Variants in HMCN1 observed in about 807,000 individuals in gnomAD.
HMCN1 encodes the protein hemicentin 1.
In HMCN1, 321 loss-of-function variants were observed where a neutral mutation model predicts 625.9. The observed-to-expected ratio is 0.51, with a 90% confidence interval of 0.47 to 0.56. The LOEUF is 0.56. Among genes scored for constraint, HMCN1 ranks in the 20% least tolerant of loss-of-function variants. HMCN1 has a pLI of 0.00. For missense variants in HMCN1, 6,588 were observed against 6,887.3 expected, an observed-to-expected ratio of 0.96 and a Z score of 1.54; for synonymous variants, 2,425 against 2,417.6, an observed-to-expected ratio of 1.00 and a Z score of -0.09.
chr1:186,136,668 G>T lies in HMCN1; in HGVS notation c.13313G>T (p.Ser4438Ile), dbSNP rs61732179. ...VERSMSLTLQ[S>I]PPIITLEPVE... ...AGACACTATGTGCTTTTTTCCGTAG[G>T]TCCTCCTATTATCACTCTTGAGCCA... The change falls in exon 87 of 107, where the codon AGT becomes ATT. Residue 4438 changes from serine (S) to isoleucine (I), a missense_variant and splice_region_variant. Ser to Ile is a moderately radical substitution (Grantham distance 142). Coordinates refer to ENST00000271588, the MANE Select transcript of HMCN1 (RefSeq NM_031935.3). 6.2e-7 allele frequency: 1 copy of T among 1,613,332 alleles called. No homozygotes were observed. Among genetic ancestry groups the T allele is most frequent in the East Asian group, 2.2e-5 (1 of 44,858 alleles).
At chr1:186,117,233 G>A in intron 76 of HMCN1, 118 bp downstream of exon 76, 1 of 1,397,186 alleles carries the variant, frequency 7.2e-7, no homozygotes, top group Admixed American at 1.8e-5. Context: ...TAAGTTCAGG[G>A]GTACACATGC....
At chr1:185,766,926 T>C (rs1401223150) in intron 1 of HMCN1, among the ~76,000 whole-genome samples, 2 of 151,492 alleles carry the variant, frequency 1.3e-5, no homozygotes, top group East Asian at 1.9e-4. Context: ...TTTAAAGAAG[T>C]AAGGCAAGCT....
In HMCN1 at chr1:185,911,692, G is replaced by A; in HGVS notation, c.812G>A (p.Gly271Glu). Residue 271 changes from glycine (G) to glutamate (E), a missense_variant, in exon 6 of 107, where the codon GGA becomes GAA. Gly to Glu is a moderately conservative substitution (Grantham distance 98, BLOSUM62 -2). Coordinates refer to ENST00000271588, the MANE Select transcript of HMCN1 (RefSeq NM_031935.3). ...CTTTCAGGGAAGCTGATAAAAAAGGGATTTGGCCTGCATGAGCTATTAAAT... is the reference window on the plus strand; with the variant it reads ...CTTTCAGGGAAGCTGATAAAAAAGGAATTTGGCCTGCATGAGCTATTAAAT... Reference protein sequence around the residue: ...RNPLGKLIKKGFGLHELLNIH... With the variant: ...RNPLGKLIKKEFGLHELLNIH... 5 of 1,612,554 alleles carry A rather than the reference G, an allele frequency of 3.1e-6. No homozygotes were observed. Among genetic ancestry groups the A allele is most frequent in the Non-Finnish European group, 4.2e-6 (5 of 1,178,670 alleles).
chr1:186,064,561 G>A (rs1196908076), intron 48 of HMCN1, among the ~76,000 whole-genome samples: 1 of 151,956 alleles, frequency 6.6e-6, no homozygotes, highest in Non-Finnish European at 1.5e-5. Flanking sequence ...TGTAATCCCA[G>A]CACTTTGGGA....
intron 13 of HMCN1, among the ~76,000 whole-genome samples, chr1:185,964,436 A>T (rs74134234): frequency 0.029 from 4,460 of 152,234 alleles, 216 homozygotes; most frequent in African/African-American, 0.1. Flanking sequence ...TAAATCGTGA[A>T]TAATCAATGG....
intron 1 of HMCN1, among the ~76,000 whole-genome samples, chr1:185,807,544 C>G (rs187716512): frequency 1.3e-5 from 2 of 152,260 alleles, no homozygotes; most frequent in African/African-American, 4.8e-5. Context: ...CACATATATG[C>G]TCCTGGATTC....
At chr1:186,056,352 C>A (rs1435041620) in intron 45 of HMCN1, among the ~76,000 whole-genome samples, 1 of 151,844 alleles carries the variant, frequency 6.6e-6, no homozygotes. Flanking sequence ...ATCTTAAGTT[C>A]TTTTTGTTGG....
At chr1:185,870,854 C>T (rs1365811892) in intron 4 of HMCN1, among the ~76,000 whole-genome samples, 1 of 152,064 alleles carries the variant, frequency 6.6e-6, no homozygotes, top group Non-Finnish European at 1.5e-5. Flanking sequence ...GAATATGTGC[C>T]CAACCCCTTC....
chr1:186,037,726 G>A (rs958677469), intron 36 of HMCN1, among the ~76,000 whole-genome samples: 17 of 151,950 alleles, frequency 1.1e-4, no homozygotes, highest in African/African-American at 4.1e-4. Context: ...TCTGGACACA[G>A]AGAAATGTGT....
At chr1:186,172,311 C>A (rs1652283394) in intron 102 of HMCN1, among the ~76,000 whole-genome samples, 180 bp downstream of exon 102, 1 of 152,108 alleles carries the variant, frequency 6.6e-6, no homozygotes, top group African/African-American at 2.4e-5. Context: ...ATGGCTGTAC[C>A]CGGAAATGGA....
chr1:185,801,351 T>C (rs1045257779), intron 1 of HMCN1, among the ~76,000 whole-genome samples: 7 of 152,184 alleles, frequency 4.6e-5, no homozygotes, highest in African/African-American at 9.6e-5. Flanking sequence ...CTTCCACTTA[T>C]TTCATGAGAT....
At position 186,076,641 on chromosome 1, in the gene HMCN1, A is replaced by G. The variant is rs936166371; in HGVS notation, c.8485+19A>G. 3 of 1,607,226 alleles carry G rather than the reference A, an allele frequency of 1.9e-6. No homozygotes were observed. Among genetic ancestry groups the G allele is most frequent in the Non-Finnish European group, 2.6e-6 (3 of 1,176,326 alleles). On this transcript the variant is annotated intron_variant, in intron 54 of 106. Coordinates refer to ENST00000271588, the MANE Select transcript of HMCN1 (RefSeq NM_031935.3). ...TTGCCAGGTAAAGATTGATACCAAC[A>G]GGGTGAAAAGCTGACTCTCTGCCAA...
At chr1:185,916,483 T>C (rs1666710852) in intron 6 of HMCN1, among the ~76,000 whole-genome samples, 1 of 152,174 alleles carries the variant, frequency 6.6e-6, no homozygotes, top group African/African-American at 2.4e-5. Context: ...GAATTAGTTG[T>C]TACTAAAAAT....
At chr1:186,051,411 G>A (rs1656940236) in intron 42 of HMCN1, among the ~76,000 whole-genome samples, 1 of 152,020 alleles carries the variant, frequency 6.6e-6, no homozygotes. Context: ...GTTTGACAAT[G>A]CTTCTAAGGC....
chr1:186,138,684 G>A (rs1649774715), intron 89 of HMCN1, among the ~76,000 whole-genome samples: 1 of 152,136 alleles, frequency 6.6e-6, no homozygotes, highest in South Asian at 2.1e-4. Context: ...TCTAAGTGAG[G>A]CCTCAGAGAA....
At position 186,093,257 on chromosome 1, in the gene HMCN1, T is replaced by C. The variant is rs1396971884; in HGVS notation, c.10011T>C (p.Tyr3337=). The C allele has an allele frequency of 6.8e-6, 11 of 1,613,334 alleles. No homozygotes were observed. Among genetic ancestry groups the C allele is most frequent in the South Asian group, 1.1e-5 (1 of 91,080 alleles). Reference sequence around the variant, plus strand: ...ACCGAATTTTTAACTTGAATGTCTATGGTAAATATGAAATATCCCCCTCTT... The same window carrying C: ...ACCGAATTTTTAACTTGAATGTCTACGGTAAATATGAAATATCCCCCTCTT... ...EEDRIFNLNV[Y]VTPTIRGNKD... The change falls in exon 65 of 107, where the codon TAT becomes TAC. Residue 3337 remains tyrosine, a splice_region_variant and synonymous_variant. Coordinates refer to ENST00000271588, the MANE Select transcript of HMCN1 (RefSeq NM_031935.3).
intron 34 of HMCN1, 21 bp downstream of exon 34, chr1:186,018,373 G>A: frequency 6.2e-7 from 1 of 1,604,016 alleles, no homozygotes; most frequent in Non-Finnish European, 8.5e-7. Context: ...GAAGGGACAG[G>A]AACTTTGCAT....
intron 1 of HMCN1, among the ~76,000 whole-genome samples, chr1:185,840,600 G>A (rs867901609): frequency 3.3e-5 from 5 of 152,120 alleles, no homozygotes; most frequent in African/African-American, 1.2e-4. Context: ...TTTGGACACA[G>A]AAAATTTACT....
At chr1:185,993,834 A>C (rs1201164495) in intron 23 of HMCN1, among the ~76,000 whole-genome samples, 1 of 152,106 alleles carries the variant, frequency 6.6e-6, no homozygotes, top group Non-Finnish European at 1.5e-5. Flanking sequence ...ACTCTACACC[A>C]GGCATTGTTT....
Sources: allele counts gnomAD v4.1 joint callset (sites outside exome capture counted in the v4.1 genomes callset), GRCh38; gene constraint gnomAD v4.1.1; transcripts MANE v1.5; gene names NCBI Gene and HGNC (gene_info 2026-07-23, HGNC 2026-07-21).